The following RANBP2 variants were observed in gnomAD, a reference collection of about 807,000 sequenced individuals.
RANBP2 encodes RAN binding protein 2.
Under a neutral mutation model 303.6 loss-of-function variants are expected in RANBP2, and 57 were observed. That is an observed-to-expected ratio of 0.19 (90% CI 0.15 to 0.23). The LOEUF is 0.23. Among genes scored for constraint, RANBP2 ranks in the 10% least tolerant of loss-of-function variants. The pLI, the probability that RANBP2 is intolerant of heterozygous loss-of-function variation, is 1.00. For synonymous variants in RANBP2, 1,167 were observed against 1,301.5 expected (o/e 0.90, Z 2.23); for missense variants, 3,138 against 3,780.8 (o/e 0.83, Z 4.46).
At chr2:109,550,203 T>C in the RANBP2 span, among the ~76,000 whole-genome samples, 10 of 151,774 alleles carry the variant, frequency 6.6e-5, no homozygotes, top group East Asian at 2.0e-4. Flanking sequence ...GGCAGGACAA[T>C]TGCTTGAACC....
the RANBP2 span, among the ~76,000 whole-genome samples, chr2:109,243,621 A>G: frequency 6.6e-6 from 1 of 152,108 alleles, no homozygotes; most frequent in African/African-American, 2.4e-5. Flanking sequence ...TTTTAAAGAG[A>G]TGGTGTCTAA....
chr2:108,795,563 G>A, the RANBP2 span, among the ~76,000 whole-genome samples: 12 of 152,212 alleles, frequency 7.9e-5, no homozygotes, highest in African/African-American at 2.9e-4. Context: ...GGAAACACAT[G>A]AAATAGTTAA....
chr2:109,044,243 G>A, the RANBP2 span, among the ~76,000 whole-genome samples: 8,650 of 151,966 alleles, frequency 0.057, 447 homozygotes, highest in African/African-American at 0.13. Flanking sequence ...AAGTAATACC[G>A]GGCGCGGTGG....
At chr2:108,731,616 A>G (rs1695176609) in intron 4 of RANBP2, 142 bp downstream of exon 4, 1 of 1,488,016 alleles carries the variant, frequency 6.7e-7, no homozygotes, top group African/African-American at 1.4e-5. Context: ...AGTGTGTTAA[A>G]ACCTTTCTGA....
chr2:109,206,490 C>CAAAAAAAA, the RANBP2 span, among the ~76,000 whole-genome samples: 46 of 40,762 alleles, frequency 1.1e-3, 2 homozygotes, highest in African/African-American at 4.1e-3. Context: ...GACTCCGTCT[C>CAAAAAAAA]AAAAAAAAAA....
In RANBP2 at chr2:108,763,653, A is replaced by G. The variant is rs763332870; in HGVS notation, c.3114A>G (p.Lys1038=). The G allele has an allele frequency of 1.1e-5, 17 of 1,614,038 alleles. No individual in the cohort carries two copies. The East Asian group carries it at 3.6e-4, about 34-fold the overall frequency. Residue 1038 remains lysine, a synonymous_variant, in exon 20 of 29, where the codon AAA becomes AAG. Coordinates refer to ENST00000283195, the MANE Select transcript of RANBP2 (RefSeq NM_006267.5). The stretch of plus-strand genomic sequence containing the variant: ...CTTTTAAATTTAACTCAAATTTCAA[A>G]TCAAATGATGGTGACTTCACGTTTT... ...PTPFKFNSNF[K]SNDGDFTFSS...
chr2:109,278,831 G>A, the RANBP2 span, among the ~76,000 whole-genome samples: 7 of 152,172 alleles, frequency 4.6e-5, no homozygotes, highest in South Asian at 2.1e-4. Context: ...AAGGCAAATC[G>A]TGGGGCTAAG....
At chr2:108,810,013 C>G in the RANBP2 span, among the ~76,000 whole-genome samples, 28 of 152,248 alleles carry the variant, frequency 1.8e-4, no homozygotes, top group African/African-American at 6.0e-4. Flanking sequence ...GCTGTATTGG[C>G]CAGGGTGGTC....
chr2:109,284,654 A>G, the RANBP2 span, among the ~76,000 whole-genome samples: 1 of 152,176 alleles, frequency 6.6e-6, no homozygotes. Context: ...CATGGGTTAG[A>G]CCATGTTTTT....
the RANBP2 span, among the ~76,000 whole-genome samples, chr2:108,963,987 C>G: frequency 6.6e-6 from 1 of 152,218 alleles, no homozygotes; most frequent in African/African-American, 2.4e-5. Flanking sequence ...GCTGAGGCAG[C>G]TGAGCCTGGC....
chr2:108,862,314 GT>G, the RANBP2 span, among the ~76,000 whole-genome samples: 1 of 152,094 alleles, frequency 6.6e-6, no homozygotes, highest in African/African-American at 2.4e-5. Context: ...GAGGTTCCAT[GT>G]TTCAAAGCAT....
At chr2:109,650,031 C>G in the RANBP2 span, among the ~76,000 whole-genome samples, 11 of 152,164 alleles carry the variant, frequency 7.2e-5, no homozygotes, top group African/African-American at 2.4e-4. Flanking sequence ...AGAACAGTCT[C>G]AATTTTGGAT....
At chr2:109,091,816 C>G in the RANBP2 span, among the ~76,000 whole-genome samples, 1 of 152,224 alleles carries the variant, frequency 6.6e-6, no homozygotes, top group African/African-American at 2.4e-5. Context: ...TGTCCCTTAA[C>G]TATAGCCCTA....
At chr2:109,352,014 C>A in the RANBP2 span, among the ~76,000 whole-genome samples, 1 of 152,344 alleles carries the variant, frequency 6.6e-6, no homozygotes, top group South Asian at 2.1e-4. Context: ...AGAGTTCAGG[C>A]TCTAGCATGA....
the RANBP2 span, among the ~76,000 whole-genome samples, chr2:109,224,295 A>G: frequency 6.6e-6 from 1 of 152,268 alleles, no homozygotes; most frequent in African/African-American, 2.4e-5. Context: ...TGGTATTATT[A>G]GTGATGCTAA....
the RANBP2 span, among the ~76,000 whole-genome samples, chr2:109,276,621 T>A: frequency 1.8e-4 from 28 of 152,242 alleles, no homozygotes; most frequent in Non-Finnish European, 3.1e-4. Context: ...TGTTTTGCCA[T>A]GGTGCTTTGG....
chr2:109,445,833 A>T, the RANBP2 span, among the ~76,000 whole-genome samples: 1 of 152,114 alleles, frequency 6.6e-6, no homozygotes, highest in Non-Finnish European at 1.5e-5. Flanking sequence ...TAAGGAAAGG[A>T]CAAAGCTGGT....
the RANBP2 span, among the ~76,000 whole-genome samples, chr2:109,452,619 G>A: frequency 9.2e-5 from 14 of 152,288 alleles, no homozygotes; most frequent in Non-Finnish European, 1.3e-4. Flanking sequence ...GGAGATTTAC[G>A]CGCCATATCC....
chr2:109,171,240 C>T, the RANBP2 span, among the ~76,000 whole-genome samples: 63 of 152,182 alleles, frequency 4.1e-4, no homozygotes, highest in African/African-American at 1.5e-3. Context: ...GCTGTATTTG[C>T]TTACATGTAT....
Sources: allele counts gnomAD v4.1 joint callset (sites outside exome capture counted in the v4.1 genomes callset), GRCh38; gene constraint gnomAD v4.1.1; transcripts MANE v1.5; gene names NCBI Gene and HGNC (gene_info 2026-07-23, HGNC 2026-07-21).